The following DNAH9 variants were observed in gnomAD, a reference collection of about 807,000 sequenced individuals.
DNAH9 encodes DNAH9 variant protein.
A neutral mutation model predicts 471.6 loss-of-function variants in DNAH9; 345 were observed. That is an observed-to-expected ratio of 0.73 (90% CI 0.67 to 0.80). The LOEUF (loss-of-function observed/expected upper bound fraction) is 0.80. DNAH9 is among the 30% of genes least tolerant of loss of function. The pLI, the probability that DNAH9 is intolerant of heterozygous loss-of-function variation, is 0.00. For missense variants in DNAH9, 5,407 were observed against 5,609.2 expected (o/e 0.96, Z 1.15); for synonymous variants, 2,093 against 2,123.6 (o/e 0.99, Z 0.40).
At chr17:11,774,989 G>A (rs1048996865) in intron 38 of DNAH9, among the ~76,000 whole-genome samples, 5 of 151,966 alleles carry the variant, frequency 3.3e-5, no homozygotes, top group Admixed American at 2.0e-4. Flanking sequence ...ACCTCCAAAC[G>A]TTTCCTCACG....
chr17:11,664,627 C>A (rs1041649297), intron 14 of DNAH9, among the ~76,000 whole-genome samples: 24 of 152,092 alleles, frequency 1.6e-4, no homozygotes, highest in Non-Finnish European at 1.0e-4. Context: ...CAGGTTGTCC[C>A]CTATATTACC....
intron 39 of DNAH9, among the ~76,000 whole-genome samples, chr17:11,782,959 T>C (rs998716641): frequency 6.6e-6 from 1 of 152,162 alleles, no homozygotes; most frequent in African/African-American, 2.4e-5. Context: ...AAAATTACTT[T>C]ATAATTACTG....
chr17:11,664,200 T>C (rs560854559), intron 14 of DNAH9, among the ~76,000 whole-genome samples: 27 of 148,690 alleles, frequency 1.8e-4, no homozygotes, highest in Non-Finnish European at 3.7e-4. Context: ...CAAACTTTGT[T>C]ACCATGGTGA....
At chr17:11,601,874 G>T (rs1232676466) in intron 1 of DNAH9, among the ~76,000 whole-genome samples, 1 of 152,202 alleles carries the variant, frequency 6.6e-6, no homozygotes, top group Non-Finnish European at 1.5e-5. Flanking sequence ...TTGTGTGTGT[G>T]TGGGCGGGGC....
At chr17:11,919,267 G>A (rs1453748025) in intron 61 of DNAH9, among the ~76,000 whole-genome samples, 1 of 151,952 alleles carries the variant, frequency 6.6e-6, no homozygotes, top group Non-Finnish European at 1.5e-5. Context: ...AGGCCGAGGC[G>A]AGCAGATCAC....
intron 44 of DNAH9, 129 bp downstream of exon 44, chr17:11,808,023 T>A (rs1969757333): frequency 2.7e-6 from 3 of 1,131,514 alleles, no homozygotes; most frequent in Non-Finnish European, 3.7e-6. Context: ...CATTTCTGTC[T>A]TAGGTTCTGG....
At chr17:11,631,258 G>T (rs1416463948) in intron 7 of DNAH9, among the ~76,000 whole-genome samples, 1 of 152,116 alleles carries the variant, frequency 6.6e-6, no homozygotes. Flanking sequence ...CCAGAAAAAG[G>T]AATGGCAGAA....
chr17:11,737,124 TTC>T (rs1444902647), intron 28 of DNAH9, among the ~76,000 whole-genome samples: 2 of 152,236 alleles, frequency 1.3e-5, no homozygotes, highest in Non-Finnish European at 2.9e-5. Flanking sequence ...TGAAGCCTGC[TTC>T]TGCCAGGATG....
At chr17:11,686,701 C>T (rs1288309715) in intron 19 of DNAH9, among the ~76,000 whole-genome samples, 2 of 152,160 alleles carry the variant, frequency 1.3e-5, no homozygotes, top group Admixed American at 6.5e-5. Context: ...GATAAACATT[C>T]ACCTCTTATA....
At chr17:11,852,308 G>T (rs1259382017) in intron 49 of DNAH9, among the ~76,000 whole-genome samples, 1 of 152,152 alleles carries the variant, frequency 6.6e-6, no homozygotes, top group Non-Finnish European at 1.5e-5. Context: ...CTACATTGGG[G>T]CTCCACTGCC....
chr17:11,797,814 C>G, intron 43 of DNAH9, 21 bp downstream of exon 43: 1 of 1,602,018 alleles, frequency 6.2e-7, no homozygotes, highest in Non-Finnish European at 8.5e-7. Context: ...TTCTCCTCTT[C>G]CTTTTCCTCA....
intron 16 of DNAH9, 35 bp from the exon 17 acceptor site, chr17:11,669,335 G>T: frequency 1.3e-6 from 2 of 1,599,972 alleles, no homozygotes; most frequent in Non-Finnish European, 1.7e-6. Context: ...GCCACACACT[G>T]GTGTAACCTG....
rs546685970 is a variant in DNAH9, at chr17:11,769,213, C to G, written c.7436C>G (p.Thr2479Arg). Reference protein sequence around the residue: ...ARQRPVMLVGTAGTGKSVLVG... With the variant: ...ARQRPVMLVGRAGTGKSVLVG... ...CAGCGGCCTGTCATGCTGGTGGGCA[C>G]GGCTGGCACTGGCAAGTCGGTGCTG... The change falls in exon 38 of 69, where the codon ACG (threonine) becomes AGG (arginine). Residue 2479 changes from threonine (T) to arginine (R), a missense_variant. Thr to Arg is a moderately conservative substitution (Grantham distance 71). This residue lies in a region of DNAH9 where 4,636 missense variants were observed against 4,900.3 expected (regional missense o/e 0.95). Transcript: ENST00000262442. The G allele has an allele frequency of 3.7e-6, 6 of 1,614,048 alleles. No homozygotes were observed. Among genetic ancestry groups the G allele is most frequent in the African/African-American group, 1.3e-5 (1 of 74,944 alleles).
chr17:11,598,558 C>T lies in DNAH9; in HGVS notation c.60C>T (p.Gly20=), dbSNP rs936258181. 3.6e-6 allele frequency: 5 copies of T among 1,406,686 alleles called. No individual in the cohort carries two copies. The highest frequency in any genetic ancestry group is 1.5e-5 in the South Asian group (1 of 65,378). The allele number at this position is 1,406,686 out of a possible 1,614,324, so 87.1% of individuals were successfully genotyped here. Residue 20 remains glycine, a synonymous_variant, in exon 1 of 69, where the codon GGC becomes GGT. Coordinates refer to ENST00000262442, the MANE Select transcript of DNAH9 (RefSeq NM_001372.4). ...LAAENADGEP[G]ADRRLRLLGT... is the part of the protein sequence containing the mutation. Reference sequence around the variant, plus strand: ...CGGAGAACGCGGATGGGGAACCCGGCGCCGACCGACGACTGCGACTCCTGG... The same window carrying T: ...CGGAGAACGCGGATGGGGAACCCGGTGCCGACCGACGACTGCGACTCCTGG...
chr17:11,781,845 AAAC>A (rs1375574888), intron 39 of DNAH9, among the ~76,000 whole-genome samples: 4 of 113,230 alleles, frequency 3.5e-5, no homozygotes, highest in South Asian at 3.0e-4. Flanking sequence ...AAAAAAAAAC[AAAC>A]AAAAAAAAAA....
chr17:11,876,754 CTG>C (rs1281294834), intron 53 of DNAH9, among the ~76,000 whole-genome samples: 1 of 152,126 alleles, frequency 6.6e-6, no homozygotes, highest in Admixed American at 6.5e-5. Context: ...GAGTCTCACT[CTG>C]TCACCCAGGC....
rs780572121 is a variant in DNAH9 at position 11,810,276 on chromosome 17, G to A, written c.8614G>A (p.Gly2872Arg). ...MDLASLCLKA[G>R]VKNLNTVFLM... ...CCTGGCCAGCCTGTGTCTGAAAGCT[G>A]GAGTGAAGAATCTCAACACAGTGTT... is the stretch of plus-strand genomic sequence containing the variant. The change falls in exon 45 of 69, where the codon GGA (glycine) becomes AGA (arginine). Residue 2872 changes from glycine to arginine, a missense_variant. This residue lies in a region of DNAH9 where 4,636 missense variants were observed against 4,900.3 expected (regional missense o/e 0.95). Coordinates refer to ENST00000262442, the MANE Select transcript of DNAH9 (RefSeq NM_001372.4). 16 of 1,613,326 alleles carry A rather than the reference G, an allele frequency of 9.9e-6. No homozygotes were observed. The Admixed American group carries it at 2.7e-4, about 27-fold the overall frequency.
chr17:11,831,777 ACAT>A (rs1253824699), intron 48 of DNAH9, among the ~76,000 whole-genome samples: 3 of 152,188 alleles, frequency 2.0e-5, no homozygotes, highest in African/African-American at 7.2e-5. Context: ...CACTGCAGAA[ACAT>A]CATGACTGCT....
At chr17:11,698,694 A>C (rs11650039) in intron 22 of DNAH9, among the ~76,000 whole-genome samples, 22,097 of 151,980 alleles carry the variant, frequency 0.15, 1,877 homozygotes, top group South Asian at 0.26. Context: ...GTAATTATTC[A>C]AGAAGCTCTA....
Sources: gnomAD v4.1 joint callset for allele counts (sites outside exome capture counted in the v4.1 genomes callset) on GRCh38, gnomAD v4.1.1 for gene constraint, gnomAD v4.1.1 regional missense constraint, MANE v1.5 for transcripts, NCBI Gene and HGNC (gene_info 2026-07-23, HGNC 2026-07-21) for gene names.